SEMA3A: variants seen among roughly 807,000 people sequenced by gnomAD.
SEMA3A encodes the protein semaphorin 3A.
Under a neutral mutation model 97.9 loss-of-function variants are expected in SEMA3A, and 29 were observed. That is an observed-to-expected ratio of 0.30 (90% CI 0.22 to 0.40). The LOEUF is 0.40. Among genes scored for constraint, SEMA3A ranks in the 10% least tolerant of loss-of-function variants. The pLI is 1.00. For missense variants in SEMA3A, 763 were observed against 951.3 expected (o/e 0.80, Z 2.60); for synonymous variants, 321 against 323.7 (o/e 0.99, Z 0.09).
intron 10 of SEMA3A, 113 bp from the exon 11 acceptor site, chr7:84,005,671 G>C: frequency 1.4e-6 from 1 of 720,292 alleles, no homozygotes; most frequent in Non-Finnish European, 2.2e-6. Flanking sequence ...GTGCAGGCCA[G>C]GTATGGTAGC....
chr7:84,308,104 A>G (rs1404754622), intron 2 of SEMA3A, among the ~76,000 whole-genome samples: 1 of 152,130 alleles, frequency 6.6e-6, no homozygotes, highest in Non-Finnish European at 1.5e-5. Flanking sequence ...AAAGAAAAAA[A>G]GATACAGGTT....
At chr7:84,443,990 G>A (rs1025520483) in intron 1 of SEMA3A, among the ~76,000 whole-genome samples, 1 of 148,450 alleles carries the variant, frequency 6.7e-6, no homozygotes, top group East Asian at 2.1e-4. Flanking sequence ...GGGTTCAAGC[G>A]ATTCTCCTGC....
intron 3 of SEMA3A, among the ~76,000 whole-genome samples, chr7:84,247,688 A>G (rs1231205468): frequency 2.0e-5 from 3 of 152,118 alleles, no homozygotes; most frequent in African/African-American, 7.2e-5. Flanking sequence ...CATTTAATAA[A>G]CTCAATGATC....
intron 1 of SEMA3A, among the ~76,000 whole-genome samples, chr7:84,395,828 C>G (rs1029673426): frequency 6.6e-6 from 1 of 152,078 alleles, no homozygotes; most frequent in African/African-American, 2.4e-5. Context: ...AACCTCTTTT[C>G]TTTATATGTT....
At chr7:84,103,148 C>T (rs1795006951) in intron 4 of SEMA3A, among the ~76,000 whole-genome samples, 2 of 152,058 alleles carry the variant, frequency 1.3e-5, no homozygotes, top group East Asian at 1.9e-4. Flanking sequence ...ACAGTCATTG[C>T]GGTGGGCAAA....
chr7:84,163,306 C>G (rs899508213), intron 1 of SEMA3A, among the ~76,000 whole-genome samples: 1 of 151,950 alleles, frequency 6.6e-6, no homozygotes, highest in Non-Finnish European at 1.5e-5. Context: ...AATGGGTGTA[C>G]ACAGGTATGT....
intron 10 of SEMA3A, among the ~76,000 whole-genome samples, chr7:84,006,349 ATT>A (rs1413010383): frequency 6.6e-6 from 1 of 152,072 alleles, no homozygotes; most frequent in African/African-American, 2.4e-5. Flanking sequence ...AAAAAGTACC[ATT>A]GAGATATGTA....
rs558020436 is a variant in SEMA3A, at chr7:84,066,265, G to A, written c.454-5707C>T. ...TCAATAAATTAGGTATTGATGGGAC[G>A]TATTTCAAAATAATAAGAGCTATCT... On this transcript the variant is annotated intron_variant, in intron 4 of 16. Transcript: ENST00000265362. Among the ~76,000 whole-genome samples, 601 of 151,880 alleles carry A rather than the reference G, an allele frequency of 4.0e-3. 3 individuals carry two copies. Among genetic ancestry groups the A allele is most frequent in the African/African-American group, 0.013 (532 of 41,242 alleles).
intron 1 of SEMA3A, among the ~76,000 whole-genome samples, chr7:84,182,770 A>G (rs1441155686): frequency 6.6e-6 from 1 of 152,172 alleles, no homozygotes; most frequent in Non-Finnish European, 1.5e-5. Flanking sequence ...TGAAAAACCT[A>G]AAGTTAGGTT....
At chr7:84,302,059 G>A (rs1448531784) in intron 3 of SEMA3A, among the ~76,000 whole-genome samples, 1 of 151,984 alleles carries the variant, frequency 6.6e-6, no homozygotes, top group Non-Finnish European at 1.5e-5. Context: ...ACCAAATGTA[G>A]TATATCCATA....
At chr7:84,324,738 G>C (rs1276689242) in intron 2 of SEMA3A, among the ~76,000 whole-genome samples, 1 of 151,826 alleles carries the variant, frequency 6.6e-6, no homozygotes, top group African/African-American at 2.4e-5. Flanking sequence ...CTAGTCTTGT[G>C]AAAAATACAT....
At chr7:84,455,214 G>A (rs1805659499) in intron 1 of SEMA3A, among the ~76,000 whole-genome samples, 1 of 151,882 alleles carries the variant, frequency 6.6e-6, no homozygotes, top group South Asian at 2.1e-4. Context: ...GAGGGATGGG[G>A]AGGAATAGCT....
chr7:84,463,461 G>T (rs182639039), intron 1 of SEMA3A, among the ~76,000 whole-genome samples: 1 of 151,798 alleles, frequency 6.6e-6, no homozygotes, highest in Non-Finnish European at 1.5e-5. Context: ...TGTTAGCCAG[G>T]ATAGTCCCGA....
chr7:83,968,383 A>G (rs1788791403), intron 15 of SEMA3A, among the ~76,000 whole-genome samples: 1 of 152,172 alleles, frequency 6.6e-6, no homozygotes, highest in Non-Finnish European at 1.5e-5. Context: ...TGATGTCACA[A>G]TATTTTTGAT....
rs1254838242 is a variant in SEMA3A, at chr7:84,011,233, A to G, written c.875T>C (p.Ile292Thr). ...KWTTFLKARL[I>T]CSVPGPNGID... ...GCCATTTGGACCTGGCACTGAGCAA[A>G]TCAGACGAGCTTTGAGGAATGTTGT... Residue 292 changes from isoleucine (I) to threonine (T), a missense_variant, in exon 8 of 17, where the codon ATT becomes ACT. Physicochemically the swap from Ile to Thr is moderately conservative, Grantham distance 89. Transcript: ENST00000265362. The G allele has an allele frequency of 1.9e-6, 3 of 1,613,918 alleles. No individual in the cohort carries two copies. The highest frequency in any genetic ancestry group is 4.5e-5 in the East Asian group (2 of 44,876).
chr7:84,273,941 C>A (rs1562881865), intron 3 of SEMA3A, among the ~76,000 whole-genome samples: 1 of 151,978 alleles, frequency 6.6e-6, no homozygotes. Context: ...GTGCATTCTC[C>A]AAAATTTGTT....
intron 3 of SEMA3A, among the ~76,000 whole-genome samples, chr7:84,268,216 A>T (rs1398233605): frequency 6.6e-6 from 1 of 150,876 alleles, no homozygotes; most frequent in Non-Finnish European, 1.5e-5. Context: ...CACCAAACTG[A>T]GCAAAGAAAG....
intron 1 of SEMA3A, among the ~76,000 whole-genome samples, chr7:84,481,233 G>A (rs1170928425): frequency 6.6e-6 from 1 of 152,130 alleles, no homozygotes; most frequent in Non-Finnish European, 1.5e-5. Context: ...AATCTTCAGG[G>A]ACCCACTGGT....
chr7:84,452,260 T>A (rs1309917164), intron 1 of SEMA3A, among the ~76,000 whole-genome samples: 3 of 151,878 alleles, frequency 2.0e-5, no homozygotes, highest in African/African-American at 7.3e-5. Context: ...ATATATTTTT[T>A]AAAAATAGCC....
Sources: allele counts gnomAD v4.1 joint callset (sites outside exome capture counted in the v4.1 genomes callset), GRCh38; gene constraint gnomAD v4.1.1; transcripts MANE v1.5; gene names NCBI Gene and HGNC (gene_info 2026-07-23, HGNC 2026-07-21).